The following RPS6KA3 variants were observed in gnomAD, a reference collection of about 807,000 sequenced individuals.
The protein encoded by RPS6KA3 is ribosomal protein S6 kinase A3, also known as ribosomal protein S6 kinase alpha-3.
Under a neutral mutation model 67.2 loss-of-function variants are expected in RPS6KA3, and 4 were observed. That is an observed-to-expected ratio of 0.06 (90% CI 0.03 to 0.14). RPS6KA3 has a LOEUF of 0.14. Among genes scored for constraint, RPS6KA3 ranks in the 10% least tolerant of loss-of-function variants. The pLI, the probability that RPS6KA3 is intolerant of heterozygous loss-of-function variation, is 1.00. For missense variants in RPS6KA3, 204 were observed against 559.0 expected, an observed-to-expected ratio of 0.36 and a Z score of 6.40; for synonymous variants, 182 against 183.7, an observed-to-expected ratio of 0.99 and a Z score of 0.07.
At chrX:20,218,811 G>T (rs1026040538) in intron 2 of RPS6KA3, 1 of 1,186,163 alleles carries the variant, frequency 8.4e-7, no homozygotes. Context: ...TGTATAGAGC[G>T]AACACGAAAA....
chrX:20,186,432 A>T, intron 9 of RPS6KA3, 66 bp from the exon 10 acceptor site: 1 of 243,143 alleles, frequency 4.1e-6, no homozygotes, highest in Middle Eastern at 6.4e-4. Context: ...CCAGAAGGTA[A>T]AAAAAAAAAA....
intron 10 of RPS6KA3, among the ~76,000 whole-genome samples, chrX:20,184,742 T>C (rs2148679315): frequency 9.0e-6 from 1 of 111,475 alleles, no homozygotes; most frequent in South Asian, 3.8e-4. Context: ...TGGATAACAC[T>C]GATCTATAAA....
chrX:20,159,495 A>C (rs1378893877), intron 20 of RPS6KA3, among the ~76,000 whole-genome samples: 1 of 112,200 alleles, frequency 8.9e-6, no homozygotes, highest in Non-Finnish European at 1.9e-5. Context: ...GCTTGTAATC[A>C]CAAGTCTTAA....
intron 11 of RPS6KA3, 80 bp from the exon 12 acceptor site, chrX:20,176,578 C>CTAATTAATTAATTAAT: frequency 1.7e-6 from 1 of 585,400 alleles, no homozygotes; most frequent in African/African-American, 2.4e-5. Context: ...CAATACTTGT[C>CTAATTAATTAATTAAT]TAATTAATTA....
At chrX:20,240,285 CTTTT>C (rs778713587) in intron 1 of RPS6KA3, among the ~76,000 whole-genome samples, 665 of 54,357 alleles carry the variant, frequency 0.012, 11 homozygotes, top group African/African-American at 0.058. Flanking sequence ...AAGGACCATA[CTTTT>C]TTTTTTTTTT....
Position 20,193,537 on chromosome X carries a change from TA to T in RPS6KA3, c.542del (p.Leu181Ter). On this transcript the variant is annotated frameshift_variant, in exon 7 of 22. Coordinates refer to ENST00000379565, the MANE Select transcript of RPS6KA3 (RefSeq NM_004586.3). LOFTEE classifies it high-confidence loss of function. The stretch of plus-strand genomic sequence containing the variant: ...TTATTCCCAGGCTATGTAGATGGTC[TA>T]AAGCAAGTGCAAGTTCAGCCAAGTA... ...KFYLAELALALDHLHSLGIIY... is the reference protein window; with the variant it reads ...KFYLAELALAXDHLHSLGIIY... 1 of 1,202,105 alleles carries T rather than the reference TA, an allele frequency of 8.3e-7. No homozygotes were observed.
intron 4 of RPS6KA3, among the ~76,000 whole-genome samples, chrX:20,200,432 G>A (rs1346013349): frequency 1.8e-5 from 2 of 111,940 alleles, no homozygotes; most frequent in South Asian, 3.6e-4. Flanking sequence ...AGACTCTACA[G>A]ATATTCTTTT....
chrX:20,221,886 T>C (rs1033907796), intron 2 of RPS6KA3, among the ~76,000 whole-genome samples: 2 of 112,541 alleles, frequency 1.8e-5, no homozygotes, highest in South Asian at 7.2e-4. Context: ...CTAACTTATT[T>C]GGCACGTTGT....
intron 15 of RPS6KA3, among the ~76,000 whole-genome samples, chrX:20,170,539 T>C (rs2067547054): frequency 9.0e-6 from 1 of 111,471 alleles, no homozygotes; most frequent in Non-Finnish European, 1.9e-5. Context: ...AAGGTGAAAA[T>C]GATGAGGAAA....
chrX:20,155,180 C>A lies in RPS6KA3; in HGVS notation c.*218G>T. ...AGTGACTATATCTTCATCATGTTTC[C>A]ATTTTCATTTCTTCCGAAGCTCCAG... On this transcript the variant is annotated 3_prime_UTR_variant, in exon 22 of 22. Transcript: ENST00000379565. 2.3e-6 allele frequency: 1 copy of A among 440,892 alleles called. No homozygotes were observed. Among genetic ancestry groups the A allele is most frequent in the East Asian group, 3.8e-5 (1 of 26,211 alleles). 36.3% of individuals were successfully genotyped at this position (440,892 alleles called of 1,213,427 possible). A position where few individuals can be genotyped will look rare whatever the true frequency, so the allele number is the denominator to read the frequency against.
At chrX:20,158,387 A>AAAAG (rs1406774782) in intron 20 of RPS6KA3, among the ~76,000 whole-genome samples, 3 of 97,406 alleles carry the variant, frequency 3.1e-5, no homozygotes, top group African/African-American at 8.5e-5. Context: ...AAAAAAAAAA[A>AAAAG]AGAGAGAGAG....
At chrX:20,179,268 C>T (rs748801006) in intron 10 of RPS6KA3, among the ~76,000 whole-genome samples, 27 of 111,595 alleles carry the variant, frequency 2.4e-4, no homozygotes, top group Non-Finnish European at 4.1e-4. Flanking sequence ...TGAAGTCATG[C>T]ATGTAATATG....
chrX:20,172,789 T>C lies in RPS6KA3; in HGVS notation c.1310A>G (p.Lys437Arg). 1.7e-6 allele frequency: 2 copies of C among 1,202,924 alleles called. No homozygotes were observed. The highest frequency in any genetic ancestry group is 1.8e-5 in the South Asian group (1 of 56,563). ...GTTTGTAGCTTTATGTATACATCTCTTGCAAACAGAGTAGGAGCCAACTCC... is the reference window on the plus strand; with the variant it reads ...GTTTGTAGCTTTATGTATACATCTCCTGCAAACAGAGTAGGAGCCAACTCC... ...DIGVGSYSVCKRCIHKATNME... is the reference protein window; with the variant it reads ...DIGVGSYSVCRRCIHKATNME... Residue 437 changes from lysine to arginine, a missense_variant, in exon 15 of 22, where the codon AAG becomes AGG. Lys to Arg is a conservative substitution (Grantham distance 26). Around this residue, in one of 4 missense-constraint regions of RPS6KA3, gnomAD observed 73 missense variants for 241.1 expected, o/e 0.30. Coordinates refer to ENST00000379565, the MANE Select transcript of RPS6KA3 (RefSeq NM_004586.3).
chrX:20,239,514 C>G (rs1418563899), intron 1 of RPS6KA3, among the ~76,000 whole-genome samples: 2 of 111,570 alleles, frequency 1.8e-5, no homozygotes, highest in Non-Finnish European at 3.8e-5. Flanking sequence ...CCTCTCTCAT[C>G]CCACCATAAT....
intron 1 of RPS6KA3, among the ~76,000 whole-genome samples, chrX:20,256,172 C>CAAAAAAAAAAAAAAAAA (rs35947983): frequency 6.9e-5 from 1 of 14,463 alleles, no homozygotes; most frequent in Non-Finnish European, 1.2e-4. Context: ...GACACCGTCT[C>CAAAAAAAAAAAAAAAAA]AAAAAAAAAA....
chrX:20,249,609 G>C lies in RPS6KA3; in HGVS notation c.70-14795C>G, dbSNP rs747607810. Among the ~76,000 whole-genome samples, 51 of 111,814 alleles carry C rather than the reference G, an allele frequency of 4.6e-4. No individual in the cohort carries two copies. The Admixed American group carries it at 4.8e-3, about 11-fold the overall frequency. ...GCTATTCATCTTTGGTGAAGTGTCT[G>C]TTCACTTCTTTTGTCTATTTTTTGC... On this transcript the variant is annotated intron_variant, in intron 1 of 21. Transcript: ENST00000379565.
intron 7 of RPS6KA3, among the ~76,000 whole-genome samples, chrX:20,192,649 G>A (rs1212100066): frequency 1.1e-5 from 1 of 94,744 alleles, no homozygotes; most frequent in African/African-American, 4.1e-5. Flanking sequence ...GCCCAGGCTG[G>A]AGATGCAACA....
intron 1 of RPS6KA3, among the ~76,000 whole-genome samples, chrX:20,243,133 A>G (rs750291289): frequency 8.9e-6 from 1 of 112,161 alleles, no homozygotes; most frequent in Non-Finnish European, 1.9e-5. Flanking sequence ...GCTGAGTTAA[A>G]AAAGTCATTT....
rs775095898 is a variant in RPS6KA3, at chrX:20,194,274, T to C, written c.407-6A>G. ...CTTCCCTTCAGTTTGAAAAGCTGAA[T>C]GAAGAAATGAAAATTTTCATTTAGT... is the stretch of plus-strand genomic sequence containing the variant. On this transcript the variant is annotated splice_polypyrimidine_tract_variant and splice_region_variant and intron_variant, in intron 5 of 21. Coordinates refer to ENST00000379565, the MANE Select transcript of RPS6KA3 (RefSeq NM_004586.3). The C allele has an allele frequency of 7.9e-6, 9 of 1,133,620 alleles. No homozygotes were observed. The highest frequency in any genetic ancestry group is 9.7e-6 in the Non-Finnish European group (8 of 826,144). 93.4% of individuals were successfully genotyped at this position (1,133,620 alleles called of 1,213,427 possible).
Sources: allele counts gnomAD v4.1 joint callset (sites outside exome capture counted in the v4.1 genomes callset), GRCh38; gene constraint gnomAD v4.1.1; regional missense constraint gnomAD v4.1.1; transcripts MANE v1.5; gene names NCBI Gene and HGNC (gene_info 2026-07-23, HGNC 2026-07-21).